Variants in TMTC1 observed in about 807,000 individuals in gnomAD.
TMTC1 encodes the protein protein O-mannosyl-transferase TMTC1.
Under a neutral mutation model 104.8 loss-of-function variants are expected in TMTC1, and 73 were observed. That is an observed-to-expected ratio of 0.70 (90% confidence interval 0.58 to 0.85). The LOEUF (loss-of-function observed/expected upper bound fraction) is 0.85, where lower values mean the gene tolerates loss of function less well. Ranked by LOEUF, TMTC1 falls within the 40% of genes least tolerant of loss-of-function variation. TMTC1 has a pLI of 0.00. For synonymous variants in TMTC1, 434 were observed against 428.7 expected (o/e 1.01, Z -0.15); for missense variants, 1,035 against 1,096.1 (o/e 0.94, Z 0.79).
At chr12:29,593,442 T>C (rs571907596) in intron 7 of TMTC1, among the ~76,000 whole-genome samples, 5 of 152,324 alleles carry the variant, frequency 3.3e-5, no homozygotes, top group Admixed American at 1.3e-4. Flanking sequence ...AAAGTCCAGA[T>C]TGACCCAAAA....
chr12:29,783,712 G>A lies in TMTC1; in HGVS notation c.40C>T (p.Arg14Cys). 1 of 1,227,148 alleles carries A rather than the reference G, an allele frequency of 8.1e-7. No homozygotes were observed. The highest frequency in any genetic ancestry group is 3.2e-4 in the Middle Eastern group (1 of 3,086). 76.0% of individuals were successfully genotyped at this position (1,227,148 alleles called of 1,614,324 possible). The part of the protein sequence containing the change: ...TTSARGGGGD[R>C]TPSRRRGCGL... ...CAGCCCCGCCGCCGGGAGGGTGTGCGGTCCCCGCCGCCGCCTCGGGCAGAG... is the reference window on the plus strand; with the variant it reads ...CAGCCCCGCCGCCGGGAGGGTGTGCAGTCCCCGCCGCCGCCTCGGGCAGAG... Residue 14 changes from arginine to cysteine, a missense_variant, in exon 1 of 18, where the codon CGC (arginine) becomes TGC (cysteine). By Grantham distance (180) the Arg-to-Cys change is radical (BLOSUM62 -3). Coordinates refer to ENST00000539277, the MANE Select transcript of TMTC1 (RefSeq NM_001193451.2). This position sits in a 1 kb window ranked among gnomAD's most constrained non-coding sequence, Gnocchi z 4.7.
intron 7 of TMTC1, among the ~76,000 whole-genome samples, chr12:29,588,689 A>G (rs1261887177): frequency 1.3e-5 from 2 of 152,226 alleles, no homozygotes; most frequent in African/African-American, 4.8e-5. Flanking sequence ...TTACATGGAT[A>G]AAAATTAAGA....
chr12:29,674,016 C>T (rs954438510), intron 5 of TMTC1, among the ~76,000 whole-genome samples: 1 of 151,814 alleles, frequency 6.6e-6, no homozygotes, highest in East Asian at 1.9e-4. Context: ...GCCTCGGCCT[C>T]CCAAAGTGCT....
At chr12:29,744,048 G>T (rs969150052) in intron 5 of TMTC1, among the ~76,000 whole-genome samples, 10 of 152,166 alleles carry the variant, frequency 6.6e-5, no homozygotes, top group African/African-American at 2.4e-4. Context: ...ACAGCCTGTT[G>T]TGACAGTGAT....
chr12:29,702,764 T>C (rs774739092), intron 5 of TMTC1, among the ~76,000 whole-genome samples: 2 of 152,146 alleles, frequency 1.3e-5, no homozygotes, highest in Non-Finnish European at 2.9e-5. Flanking sequence ...TTTCCTCAAA[T>C]GCTTAAAGAT....
At chr12:29,660,946 T>G in intron 5 of TMTC1, 2 of 1,034,082 alleles carry the variant, frequency 1.9e-6, no homozygotes, top group Non-Finnish European at 2.6e-6. Context: ...ATGTTCTCCT[T>G]TCAAGGTGAA....
At chr12:29,586,286 G>C (rs1419966087) in intron 7 of TMTC1, among the ~76,000 whole-genome samples, 2 of 152,098 alleles carry the variant, frequency 1.3e-5, no homozygotes, top group African/African-American at 4.8e-5. Flanking sequence ...CATTGATTTT[G>C]TATCCTGAGA....
intron 11 of TMTC1, among the ~76,000 whole-genome samples, chr12:29,530,527 G>A (rs1490252709): frequency 6.6e-6 from 1 of 152,184 alleles, no homozygotes; most frequent in Non-Finnish European, 1.5e-5. Flanking sequence ...AAGTGCACAT[G>A]GGATGTATGT....
chr12:29,527,976 G>T (rs776419856), intron 11 of TMTC1, among the ~76,000 whole-genome samples: 5 of 152,080 alleles, frequency 3.3e-5, no homozygotes, highest in South Asian at 2.1e-4. Flanking sequence ...TCTATGAAAA[G>T]GTCTTTAAGA....
intron 5 of TMTC1, among the ~76,000 whole-genome samples, 183 bp from the exon 6 acceptor site, chr12:29,633,519 A>C (rs537357218): frequency 1.3e-5 from 2 of 152,336 alleles, no homozygotes; most frequent in South Asian, 4.1e-4. Flanking sequence ...TTTGGGATAT[A>C]TCTAATAGGT....
At chr12:29,727,690 G>C (rs1442890855) in intron 5 of TMTC1, among the ~76,000 whole-genome samples, 1 of 152,098 alleles carries the variant, frequency 6.6e-6, no homozygotes, top group East Asian at 1.9e-4. Flanking sequence ...AATTTATTTT[G>C]AATGTCAAAT....
intron 11 of TMTC1, chr12:29,534,411 T>C (rs1023877844): frequency 6.6e-6 from 1 of 152,180 alleles, no homozygotes; most frequent in Non-Finnish European, 1.5e-5. Context: ...AACAGAAAAG[T>C]GCTAAAAGAT....
At chr12:29,570,559 T>G (rs559419161) in intron 9 of TMTC1, among the ~76,000 whole-genome samples, 71 of 152,312 alleles carry the variant, frequency 4.7e-4, no homozygotes, top group African/African-American at 1.7e-3. Flanking sequence ...TTCTGCCATA[T>G]TAGGCCAGGT....
At chr12:29,603,209 G>A (rs1419275457) in intron 7 of TMTC1, among the ~76,000 whole-genome samples, 1 of 152,096 alleles carries the variant, frequency 6.6e-6, no homozygotes, top group Non-Finnish European at 1.5e-5. Context: ...GCTGCAAAGT[G>A]TTAAGAAAGC....
intron 5 of TMTC1, among the ~76,000 whole-genome samples, chr12:29,646,593 C>T (rs12833890): frequency 0.12 from 18,033 of 152,170 alleles, 1,069 homozygotes; most frequent in African/African-American, 0.14. Flanking sequence ...CAAGCTCTCT[C>T]ATGTGACTCC....
In TMTC1 at chr12:29,646,960, C is replaced by T. The variant is rs186586567; in HGVS notation, c.939-13624G>A. On this transcript the variant is annotated intron_variant, in intron 5 of 17. Transcript: ENST00000539277. ...TAAACATGTTTCCTTGATTGATTCT[C>T]ACATTCACTCAGGTCTGGTAATCAC... 1.1e-4 allele frequency among the ~76,000 whole-genome samples: 17 copies of T among 152,296 alleles called. No homozygotes were observed. The East Asian group carries it at 2.3e-3, about 21-fold the overall frequency.
chr12:29,660,949 A>G, intron 5 of TMTC1: 1 of 970,434 alleles, frequency 1.0e-6, no homozygotes, highest in Non-Finnish European at 1.4e-6. Flanking sequence ...TTCTCCTTTC[A>G]AGGTGAAGAC....
At chr12:29,588,221 C>T (rs1946191496) in intron 7 of TMTC1, among the ~76,000 whole-genome samples, 1 of 152,156 alleles carries the variant, frequency 6.6e-6, no homozygotes, top group Non-Finnish European at 1.5e-5. Flanking sequence ...CTTGCAAGAG[C>T]CTTGCACTTG....
Position 29,503,925 on chromosome 12 carries a change from A to C in TMTC1, c.*2921T>G, listed in dbSNP as rs796165297. 4.6e-5 allele frequency: 7 copies of C among 152,338 alleles called. No individual in the cohort carries two copies. The highest frequency in any genetic ancestry group is 1.4e-4 in the African/African-American group (6 of 41,500). 9.4% of individuals were successfully genotyped at this position (152,338 alleles called of 1,614,324 possible). A position where few individuals can be genotyped will look rare whatever the true frequency, so the allele number is the denominator to read the frequency against. On this transcript the variant is annotated 3_prime_UTR_variant, in exon 18 of 18. Coordinates refer to ENST00000539277, the MANE Select transcript of TMTC1 (RefSeq NM_001193451.2). ...ATGGTGAAACCCTGTCTCTACAAAA[A>C]ATACAAAAATTAGCTGGACATGCTG...
Sources: gnomAD v4.1 joint callset for allele counts (sites outside exome capture counted in the v4.1 genomes callset) on GRCh38, gnomAD v4.1.1 for gene constraint, Gnocchi (gnomAD v3.1) non-coding constraint, MANE v1.5 for transcripts, NCBI Gene and HGNC (gene_info 2026-07-23, HGNC 2026-07-21) for gene names.